The following KIF14 variants were observed in gnomAD, a reference collection of about 807,000 sequenced individuals.
KIF14 encodes the protein kinesin-like protein KIF14.
In KIF14, 98 loss-of-function variants were observed where a neutral mutation model predicts 176.2. That is an observed-to-expected ratio of 0.56 (90% CI 0.47 to 0.66). The LOEUF (loss-of-function observed/expected upper bound fraction) is 0.66. Among genes scored for constraint, KIF14 ranks in the 30% least tolerant of loss-of-function variants. KIF14 has a pLI of 0.00. For missense variants in KIF14, 1,751 were observed against 1,920.4 expected (o/e 0.91, Z 1.65); for synonymous variants, 566 against 632.2 (o/e 0.90, Z 1.57).
chr1:200,565,739 A>G, intron 23 of KIF14, 70 bp from the exon 24 acceptor site: 1 of 1,003,352 alleles, frequency 1.0e-6, no homozygotes, highest in Non-Finnish European at 1.5e-6. Context: ...AAAAAAAGGG[A>G]TCCTTACTTT....
intron 14 of KIF14, among the ~76,000 whole-genome samples, chr1:200,596,869 A>ACTCT (rs1403102441): frequency 7.5e-6 from 1 of 133,658 alleles, no homozygotes; most frequent in East Asian, 2.3e-4. Context: ...TGGCCAGAAC[A>ACTCT]CTCTATCTCT....
chr1:200,554,724 C>T, intron 28 of KIF14, 118 bp from the exon 29 acceptor site: 2 of 571,628 alleles, frequency 3.5e-6, no homozygotes, highest in Non-Finnish European at 6.0e-6. Context: ...GTTTAATTTC[C>T]TCACCAGTGC....
rs1659030410 is a variant in KIF14, at chr1:200,591,057, A to T, written c.2814-785T>A. 2.6e-5 allele frequency among the ~76,000 whole-genome samples: 4 copies of T among 152,222 alleles called. No homozygotes were observed. In the South Asian group the frequency reaches 8.3e-4, roughly 32 times the overall value. ...AAAACCAAAAAACAAACAAAAAAAA[A>T]ACCACAAAACAATGTGAAGGTACTT... On this transcript the variant is annotated intron_variant, in intron 16 of 29. Transcript: ENST00000367350.
chr1:200,588,201 T>A (rs1658852455), intron 18 of KIF14, among the ~76,000 whole-genome samples: 1 of 151,928 alleles, frequency 6.6e-6, no homozygotes, highest in African/African-American at 2.4e-5. Context: ...CTTCAGTAGT[T>A]CTGGAGTGCG....
At chr1:200,596,390 A>G (rs1243141556) in intron 14 of KIF14, among the ~76,000 whole-genome samples, 2 of 152,190 alleles carry the variant, frequency 1.3e-5, no homozygotes, top group African/African-American at 4.8e-5. Flanking sequence ...AAACTATTTA[A>G]TATTTGGTAC....
At position 200,618,005 on chromosome 1, in the gene KIF14, G is replaced by C; in HGVS notation, c.719C>G (p.Thr240Ser). ...VRSGHLTTKP[T>S]QSKLDIKVLG... ...CACTTTGATATCCAACTTGCTCTGA[G>C]TAGGTTTCGTTGTCAAGTGTCCTGA... Residue 240 changes from threonine (T) to serine (S), a missense_variant, in exon 2 of 30, where the codon ACT becomes AGT. Thr to Ser is a moderately conservative substitution (Grantham distance 58, BLOSUM62 1). Coordinates refer to ENST00000367350, the MANE Select transcript of KIF14 (RefSeq NM_014875.3). 6.2e-7 allele frequency: 1 copy of C among 1,614,154 alleles called. No homozygotes were observed. The highest frequency in any genetic ancestry group is 8.5e-7 in the Non-Finnish European group (1 of 1,180,018).
intron 25 of KIF14, among the ~76,000 whole-genome samples, chr1:200,564,163 G>C (rs1219940684): frequency 3.5e-5 from 5 of 141,706 alleles, no homozygotes; most frequent in Non-Finnish European, 7.7e-5. Flanking sequence ...TCGAGAGGCT[G>C]AGGCAGGAGA....
chr1:200,599,596 G>A (rs1312353615), intron 13 of KIF14, among the ~76,000 whole-genome samples: 4 of 152,122 alleles, frequency 2.6e-5, no homozygotes, highest in African/African-American at 9.7e-5. Flanking sequence ...ATATGAAACT[G>A]CCAGTGTTCA....
At chr1:200,572,744 AC>A (rs1657879918) in intron 22 of KIF14, among the ~76,000 whole-genome samples, 1 of 152,234 alleles carries the variant, frequency 6.6e-6, no homozygotes, top group African/African-American at 2.4e-5. Flanking sequence ...AATAATACAA[AC>A]CTAGTAATCC....
At chr1:200,554,162 G>A (rs1656704217) in intron 29 of KIF14, among the ~76,000 whole-genome samples, 1 of 152,104 alleles carries the variant, frequency 6.6e-6, no homozygotes, top group Non-Finnish European at 1.5e-5. Flanking sequence ...AGGCCAAGGT[G>A]GGTGAATTGT....
chr1:200,600,405 A>T lies in KIF14; in HGVS notation c.2251T>A (p.Leu751Ile). The change falls in exon 12 of 30, where the codon TTA (leucine) becomes ATA (isoleucine). Residue 751 changes from leucine to isoleucine, a missense_variant. By Grantham distance (5) the Leu-to-Ile change is conservative. Transcript: ENST00000367350. ...YRLCRQEITS[L>I]RMKLHQQERD... ...TCCTGTTGATGCAGTTTCATTCTTA[A>T]GGATGTTATTTCTTGCCGACAGAGC... The T allele has an allele frequency of 6.2e-7, 1 of 1,613,904 alleles. No individual in the cohort carries two copies. Among genetic ancestry groups the T allele is most frequent in the Non-Finnish European group, 8.5e-7 (1 of 1,179,824 alleles).
chr1:200,591,257 C>A (rs1659037980), intron 16 of KIF14, among the ~76,000 whole-genome samples: 4 of 152,146 alleles, frequency 2.6e-5, no homozygotes, highest in African/African-American at 9.7e-5. Context: ...CTCCTTTCAT[C>A]CTCTTTAGTC....
intron 21 of KIF14, among the ~76,000 whole-genome samples, chr1:200,579,437 T>C (rs1488295081): frequency 6.6e-6 from 1 of 152,110 alleles, no homozygotes; most frequent in Non-Finnish European, 1.5e-5. Flanking sequence ...TGAAAACTCG[T>C]CTTTTTTAAA....
chr1:200,611,404 A>G (rs1170167190), intron 4 of KIF14, among the ~76,000 whole-genome samples: 1 of 152,226 alleles, frequency 6.6e-6, no homozygotes, highest in Non-Finnish European at 1.5e-5. Flanking sequence ...GGCAGAATAT[A>G]GCTGGTGTCA....
chr1:200,560,733 C>A lies in KIF14; in HGVS notation c.4219G>T (p.Ala1407Ser). Residue 1407 changes from alanine (A) to serine (S), a missense_variant, in exon 26 of 30, where the codon GCC becomes TCC. By Grantham distance (99) the Ala-to-Ser change is moderately conservative. Transcript: ENST00000367350. Reference protein sequence around the residue: ...HFLENGNNKAASVQEEFMDAV... With the variant: ...HFLENGNNKASSVQEEFMDAV... ...CATTGCTAAATTACCTGGACACTGG[C>A]AGCTTTATTGTTACCGTTTTCTAGA... The A allele has an allele frequency of 6.2e-7, 1 of 1,614,208 alleles. No individual in the cohort carries two copies. Among genetic ancestry groups the A allele is most frequent in the Non-Finnish European group, 8.5e-7 (1 of 1,180,032 alleles).
chr1:200,599,331 T>C (rs1167500074), intron 13 of KIF14, among the ~76,000 whole-genome samples: 1 of 152,230 alleles, frequency 6.6e-6, no homozygotes, highest in Non-Finnish European at 1.5e-5. Context: ...GTAAAACTGA[T>C]CTACGTACCC....
intron 4 of KIF14, among the ~76,000 whole-genome samples, chr1:200,613,795 C>G (rs1267087278): frequency 1.3e-5 from 2 of 152,152 alleles, no homozygotes; most frequent in Non-Finnish European, 2.9e-5. Flanking sequence ...AACAAGCTGC[C>G]TGGCAACAGC....
At chr1:200,569,266 T>C (rs2102607035) in intron 23 of KIF14, among the ~76,000 whole-genome samples, 1 of 152,260 alleles carries the variant, frequency 6.6e-6, no homozygotes, top group South Asian at 2.1e-4. Flanking sequence ...TACAGGTAGT[T>C]ACACATATAA....
rs532262207 is a variant in KIF14, at chr1:200,579,907, T to C, written c.3465+347A>G. On this transcript the variant is annotated intron_variant, in intron 21 of 29. Transcript: ENST00000367350. ...GGCATAGGAAGATCATTTCAAATGATGTAATATGATTTATGTCTATCAAAT... is the reference window on the plus strand; with the variant it reads ...GGCATAGGAAGATCATTTCAAATGACGTAATATGATTTATGTCTATCAAAT... Among the ~76,000 whole-genome samples, 7 of 152,238 alleles carry C rather than the reference T, an allele frequency of 4.6e-5. No homozygotes were observed. In the East Asian group the frequency reaches 1.4e-3, roughly 29 times the overall value.
Sources: allele counts gnomAD v4.1 joint callset (sites outside exome capture counted in the v4.1 genomes callset), GRCh38; gene constraint gnomAD v4.1.1; transcripts MANE v1.5; gene names NCBI Gene and HGNC (gene_info 2026-07-23, HGNC 2026-07-21).